MACROD2: variants seen among roughly 807,000 people sequenced by gnomAD.
MACROD2 encodes mono-ADP ribosylhydrolase 2, also known as ADP-ribose glycohydrolase MACROD2.
MACROD2 carries 36 observed loss-of-function variants against 70.4 expected under a neutral mutation model. The observed-to-expected ratio is 0.51, with a 90% CI of 0.39 to 0.68. The LOEUF (loss-of-function observed/expected upper bound fraction) is 0.68. Ranked by LOEUF, MACROD2 falls within the 30% of genes least tolerant of loss-of-function variation. The pLI is 0.00. For synonymous variants in MACROD2, 172 were observed against 178.8 expected (o/e 0.96, Z 0.30); for missense variants, 496 against 538.4 (o/e 0.92, Z 0.78).
intron 8 of MACROD2, among the ~76,000 whole-genome samples, chr20:15,557,880 C>T (rs1393147583): frequency 2.0e-5 from 3 of 152,156 alleles, no homozygotes; most frequent in African/African-American, 7.2e-5. Context: ...TCATCCCCAG[C>T]CATGTTATGT....
At chr20:15,542,059 A>C (rs1028399892) in intron 8 of MACROD2, among the ~76,000 whole-genome samples, 2 of 152,232 alleles carry the variant, frequency 1.3e-5, no homozygotes, top group African/African-American at 4.8e-5. Flanking sequence ...CAATGCATGC[A>C]GGTGACAGTC....
At chr20:14,071,257 T>TTTTTG (rs2053835661) in intron 2 of MACROD2, among the ~76,000 whole-genome samples, 1 of 102,566 alleles carries the variant, frequency 9.7e-6, no homozygotes, top group Admixed American at 9.5e-5. Context: ...CTTGTGTTTT[T>TTTTTG]TTTTTTTTTT....
intron 5 of MACROD2, among the ~76,000 whole-genome samples, chr20:15,016,231 A>G (rs2075120049): frequency 6.6e-6 from 1 of 152,190 alleles, no homozygotes; most frequent in South Asian, 2.1e-4. Context: ...AGTCATGAAA[A>G]GAAATGATGA....
intron 5 of MACROD2, among the ~76,000 whole-genome samples, chr20:15,103,454 A>G (rs933980825): frequency 1.3e-5 from 2 of 152,106 alleles, no homozygotes; most frequent in Non-Finnish European, 2.9e-5. Context: ...GACAAGCACA[A>G]TGGGACCAAC....
chr20:15,246,436 G>C (rs2077106400), intron 6 of MACROD2, among the ~76,000 whole-genome samples: 1 of 152,150 alleles, frequency 6.6e-6, no homozygotes, highest in Admixed American at 6.5e-5. Flanking sequence ...AAAGAAAGTT[G>C]ACCTAGAAAT....
chr20:14,267,788 G>C (rs933786415), intron 3 of MACROD2, among the ~76,000 whole-genome samples: 9 of 152,048 alleles, frequency 5.9e-5, no homozygotes, highest in African/African-American at 1.9e-4. Flanking sequence ...TAACCTTTTG[G>C]GGAGAACTGA....
At chr20:15,096,554 C>T (rs2075834156) in intron 5 of MACROD2, among the ~76,000 whole-genome samples, 2 of 147,422 alleles carry the variant, frequency 1.4e-5, no homozygotes, top group South Asian at 4.2e-4. Flanking sequence ...CTCTGTCGCC[C>T]AGGCTGGAGT....
Position 16,018,079 on chromosome 20 carries a change from T to C in MACROD2, c.1154-23122T>C, listed in dbSNP as rs1302416991. ...AGGCCTTTAGCCCTCTTCATCAAAT[T>C]CATTTCACTTGAGAGATGGGGAATA... On this transcript the variant is annotated intron_variant, in intron 15 of 17. Transcript: ENST00000684519. Among the ~76,000 whole-genome samples the C allele has an allele frequency of 4.6e-5, 7 of 152,132 alleles. No homozygotes were observed. In the East Asian group the frequency reaches 1.3e-3, roughly 29 times the overall value.
At chr20:15,797,602 C>G (rs115466466) in intron 8 of MACROD2, among the ~76,000 whole-genome samples, 4 of 152,184 alleles carry the variant, frequency 2.6e-5, no homozygotes, top group African/African-American at 9.7e-5. Flanking sequence ...TGGGCTAAAA[C>G]TGTCATGTAG....
chr20:16,008,744 A>G (rs2066822574), intron 15 of MACROD2, among the ~76,000 whole-genome samples: 1 of 152,220 alleles, frequency 6.6e-6, no homozygotes, highest in Non-Finnish European at 1.5e-5. Flanking sequence ...CATTGTTCTG[A>G]GTAAAAGGCT....
intron 3 of MACROD2, among the ~76,000 whole-genome samples, chr20:14,392,853 G>C (rs1336528149): frequency 2.6e-5 from 4 of 152,026 alleles, no homozygotes; most frequent in Admixed American, 1.3e-4. Flanking sequence ...ACTCTGCCCT[G>C]TGTATGAATT....
intron 3 of MACROD2, among the ~76,000 whole-genome samples, chr20:14,486,389 G>C (rs373655712): frequency 6.1e-4 from 93 of 152,174 alleles, no homozygotes; most frequent in African/African-American, 1.9e-3. Flanking sequence ...ACTAGAGACA[G>C]ATGTTAAGAG....
At chr20:16,004,297 G>C (rs2066756832) in intron 15 of MACROD2, among the ~76,000 whole-genome samples, 1 of 152,176 alleles carries the variant, frequency 6.6e-6, no homozygotes, top group Non-Finnish European at 1.5e-5. Context: ...AGGTGATATG[G>C]ACAAGGGAAC....
intron 5 of MACROD2, among the ~76,000 whole-genome samples, chr20:15,034,415 T>A (rs932577710): frequency 6.6e-6 from 1 of 152,188 alleles, no homozygotes; most frequent in Non-Finnish European, 1.5e-5. Context: ...TATCATTTTC[T>A]GGAACACTTT....
chr20:14,141,520 T>G (rs898382851), intron 3 of MACROD2, among the ~76,000 whole-genome samples: 7 of 151,640 alleles, frequency 4.6e-5, no homozygotes, highest in Admixed American at 1.3e-4. Context: ...CTGAGGTGGG[T>G]GGATCATCTG....
intron 2 of MACROD2, among the ~76,000 whole-genome samples, chr20:14,026,202 A>G (rs2053162566): frequency 6.6e-6 from 1 of 152,126 alleles, no homozygotes; most frequent in Non-Finnish European, 1.5e-5. Flanking sequence ...TTTGCTCGTT[A>G]AATCTTCCTC....
chr20:15,372,725 C>G (rs2045510096), intron 6 of MACROD2, among the ~76,000 whole-genome samples: 1 of 152,082 alleles, frequency 6.6e-6, no homozygotes. Flanking sequence ...TGCAGATCTT[C>G]TTCTTTATGG....
intron 3 of MACROD2, among the ~76,000 whole-genome samples, chr20:14,481,780 C>T (rs1427816835): frequency 6.6e-6 from 1 of 152,170 alleles, no homozygotes; most frequent in Non-Finnish European, 1.5e-5. Context: ...CTTAACCTCA[C>T]TATAGCCTCA....
rs147904313 is a variant in MACROD2 at position 15,698,154 on chromosome 20, T to C, written c.646-164591T>C. 9.8e-5 allele frequency among the ~76,000 whole-genome samples: 15 copies of C among 152,324 alleles called. 1 individual carries two copies. The highest frequency in any genetic ancestry group is 3.4e-4 in the African/African-American group (14 of 41,578). Reference sequence around the variant, plus strand: ...TTTTGTTTTTGCTTGTAACTTGTATTTTTGTTTTATAGGTCCTGTGTGATT... The same window carrying C: ...TTTTGTTTTTGCTTGTAACTTGTATCTTTGTTTTATAGGTCCTGTGTGATT... On this transcript the variant is annotated intron_variant, in intron 8 of 17. Coordinates refer to ENST00000684519, the MANE Select transcript of MACROD2 (RefSeq NM_001351661.2).
Sources: allele counts gnomAD v4.1 joint callset (sites outside exome capture counted in the v4.1 genomes callset), GRCh38; gene constraint gnomAD v4.1.1; transcripts MANE v1.5; gene names NCBI Gene and HGNC (gene_info 2026-07-23, HGNC 2026-07-21).